Variants in GLI3 observed in about 807,000 individuals in gnomAD.
The protein encoded by GLI3 is transcription activator GLI3.
Under a neutral mutation model 100.8 loss-of-function variants are expected in GLI3, and 20 were observed. The ratio of observed to expected loss-of-function variants is 0.20; its 90% CI spans 0.14 to 0.29. GLI3 has a LOEUF of 0.29. GLI3 is among the 10% of genes least tolerant of loss of function. GLI3 has a pLI of 1.00. For missense variants in GLI3, 2,040 were observed against 2,128.5 expected (o/e 0.96, Z 0.82); for synonymous variants, 938 against 860.5 (o/e 1.09, Z -1.58).
chr7:42,088,078 T>A (rs1785142489), intron 3 of GLI3, among the ~76,000 whole-genome samples: 2 of 152,216 alleles, frequency 1.3e-5, no homozygotes. Context: ...TCTTGGCTCA[T>A]GGGAGTACAA....
intron 3 of GLI3, among the ~76,000 whole-genome samples, chr7:42,114,788 G>A (rs957508999): frequency 9.4e-5 from 14 of 149,730 alleles, no homozygotes; most frequent in Non-Finnish European, 1.8e-4. Context: ...TGCAACCTCC[G>A]CCTCCCAGGT....
At chr7:41,977,481 T>A in intron 12 of GLI3, 77 bp downstream of exon 12, 1 of 1,448,654 alleles carries the variant, frequency 6.9e-7, no homozygotes, top group Non-Finnish European at 9.6e-7. Context: ...CAGAACACAC[T>A]GCGCCTTCCC....
intron 1 of GLI3, among the ~76,000 whole-genome samples, chr7:42,257,137 C>A (rs1232404540): frequency 4.6e-5 from 7 of 152,054 alleles, no homozygotes; most frequent in Non-Finnish European, 8.8e-5. Flanking sequence ...TTGAACCTTG[C>A]TAAAATAGTT....
chr7:42,048,632 G>C lies in GLI3; in HGVS notation c.538C>G (p.Arg180Gly), dbSNP rs772526084. 1 of 1,610,916 alleles carries C rather than the reference G, an allele frequency of 6.2e-7. No individual in the cohort carries two copies. Among genetic ancestry groups the C allele is most frequent in the Admixed American group, 1.7e-5 (1 of 59,498 alleles). ...DLPFIRISPHRNPTAASESPF... is the reference protein window; with the variant it reads ...DLPFIRISPHGNPTAASESPF... ...GACTCGGAAGCAGCAGTGGGGTTCC[G>C]GTGTGGGGAGATCCTAATGAAGGGC... Residue 180 changes from arginine to glycine, a missense_variant, in exon 5 of 15, where the codon CGG becomes GGG. Arg to Gly is a moderately radical substitution (Grantham distance 125, BLOSUM62 -2). Around this residue, in one of 5 missense-constraint regions of GLI3, gnomAD observed 603 missense variants for 690.9 expected, o/e 0.87. Coordinates refer to ENST00000395925, the MANE Select transcript of GLI3 (RefSeq NM_000168.6).
intron 3 of GLI3, among the ~76,000 whole-genome samples, chr7:42,103,764 G>C (rs1462464181): frequency 6.6e-6 from 1 of 152,040 alleles, no homozygotes; most frequent in Non-Finnish European, 1.5e-5. Context: ...GATAACCCAA[G>C]ATAAGGAGTC....
intron 2 of GLI3, among the ~76,000 whole-genome samples, chr7:42,168,926 TA>T (rs1787303671): frequency 6.6e-6 from 1 of 151,734 alleles, no homozygotes; most frequent in Non-Finnish European, 1.5e-5. Flanking sequence ...TCAAAAAAAT[TA>T]AAAACAAAAA....
chr7:42,136,949 G>A (rs553374113), intron 3 of GLI3, among the ~76,000 whole-genome samples: 21 of 152,318 alleles, frequency 1.4e-4, no homozygotes, highest in Middle Eastern at 3.4e-3. Flanking sequence ...AATCTCATCC[G>A]TTATGGGACA....
intron 10 of GLI3, among the ~76,000 whole-genome samples, chr7:42,004,015 T>C (rs1480411075): frequency 6.6e-6 from 1 of 152,124 alleles, no homozygotes; most frequent in Non-Finnish European, 1.5e-5. Context: ...TAGAAATATA[T>C]CATACCACAC....
At chr7:42,119,071 C>T (rs1413155527) in intron 3 of GLI3, among the ~76,000 whole-genome samples, 1 of 152,154 alleles carries the variant, frequency 6.6e-6, no homozygotes, top group Non-Finnish European at 1.5e-5. Context: ...CCCTCACCTA[C>T]AAGTGACAAG....
chr7:42,221,278 G>C (rs1289104336), intron 2 of GLI3, among the ~76,000 whole-genome samples: 2 of 152,120 alleles, frequency 1.3e-5, no homozygotes, highest in Non-Finnish European at 2.9e-5. Flanking sequence ...ATGTGTCCAG[G>C]TGTGGTAGTG....
At chr7:42,097,690 T>C (rs1326729767) in intron 3 of GLI3, among the ~76,000 whole-genome samples, 2 of 152,204 alleles carry the variant, frequency 1.3e-5, no homozygotes, top group South Asian at 2.1e-4. Context: ...AAAATAACTT[T>C]TTAAAAATTA....
Position 42,052,823 on chromosome 7 carries a change from G to A in GLI3, c.474-4127C>T, listed in dbSNP as rs1477103006. On this transcript the variant is annotated intron_variant, in intron 4 of 14. Transcript: ENST00000395925. ...GTTAGCATATTTCTCTAATGCTAAA[G>A]TGTGACAAAAATGAGTTTCTAAGCA... Among the ~76,000 whole-genome samples the A allele has an allele frequency of 2.6e-5, 4 of 152,304 alleles. No individual in the cohort carries two copies. In the East Asian group the frequency reaches 7.7e-4, roughly 29 times the overall value.
At chr7:42,150,672 C>T (rs991574335) in intron 2 of GLI3, among the ~76,000 whole-genome samples, 4 of 152,198 alleles carry the variant, frequency 2.6e-5, no homozygotes, top group Admixed American at 6.5e-5. Context: ...TAACCAAACT[C>T]GGCTAACCTG....
intron 2 of GLI3, among the ~76,000 whole-genome samples, chr7:42,156,263 A>C (rs1787000570): frequency 6.6e-6 from 1 of 152,224 alleles, no homozygotes; most frequent in Non-Finnish European, 1.5e-5. Context: ...TTGAATTAAG[A>C]ATTCTAAAAC....
chr7:41,995,793 C>T (rs1788108126), intron 10 of GLI3, among the ~76,000 whole-genome samples: 1 of 152,022 alleles, frequency 6.6e-6, no homozygotes, highest in Admixed American at 6.6e-5. Flanking sequence ...GGGAGAAAAC[C>T]GAAAGCATCC....
chr7:42,123,237 T>C (rs1786045203), intron 3 of GLI3, among the ~76,000 whole-genome samples: 1 of 152,186 alleles, frequency 6.6e-6, no homozygotes, highest in Non-Finnish European at 1.5e-5. Context: ...GGAGAGAGAA[T>C]TACACTCAAC....
chr7:42,132,580 A>T (rs902793147), intron 3 of GLI3, among the ~76,000 whole-genome samples: 1 of 152,214 alleles, frequency 6.6e-6, no homozygotes, highest in East Asian at 1.9e-4. Context: ...AGAAAAAAAA[A>T]GTTTGGCTTT....
rs751079629 is a variant in GLI3 at position 42,023,624 on chromosome 7, G to A, written c.1357-16C>T. Reference sequence around the variant, plus strand: ...CGGGCTGTTCCTGAAAGAAGAGGGTGGGGGGCAGGGAACAGAGAAGGGGGA... The same window carrying A: ...CGGGCTGTTCCTGAAAGAAGAGGGTAGGGGGCAGGGAACAGAGAAGGGGGA... On this transcript the variant is annotated splice_polypyrimidine_tract_variant and intron_variant, in intron 9 of 14. Coordinates refer to ENST00000395925, the MANE Select transcript of GLI3 (RefSeq NM_000168.6). 5.0e-6 allele frequency: 8 copies of A among 1,591,880 alleles called. No individual in the cohort carries two copies. Among genetic ancestry groups the A allele is most frequent in the African/African-American group, 4.0e-5 (3 of 74,402 alleles).
intron 2 of GLI3, among the ~76,000 whole-genome samples, chr7:42,192,700 T>A (rs1787851428): frequency 6.6e-6 from 1 of 152,178 alleles, no homozygotes. Context: ...ATCTGGAAAA[T>A]CAAGGTTCAG....
Sources: allele counts gnomAD v4.1 joint callset (sites outside exome capture counted in the v4.1 genomes callset), GRCh38; gene constraint gnomAD v4.1.1; regional missense constraint gnomAD v4.1.1; transcripts MANE v1.5; gene names NCBI Gene and HGNC (gene_info 2026-07-23, HGNC 2026-07-21).